THSD7A: variants seen among roughly 807,000 people sequenced by gnomAD.
THSD7A encodes thrombospondin type 1 domain containing 7A.
Under a neutral mutation model 231.3 loss-of-function variants are expected in THSD7A, and 96 were observed. That is an observed-to-expected ratio of 0.41 (90% CI 0.35 to 0.49). The LOEUF (loss-of-function observed/expected upper bound fraction) is 0.49, where lower values mean the gene tolerates loss of function less well. THSD7A is among the 20% of genes least tolerant of loss of function. THSD7A has a pLI of 0.05. For missense variants in THSD7A, 2,290 were observed against 2,070.2 expected (o/e 1.11, Z -2.06); for synonymous variants, 940 against 743.3 (o/e 1.26, Z -4.30).
At chr7:11,823,352 A>G (rs535321738) in intron 1 of THSD7A, among the ~76,000 whole-genome samples, 4 of 152,100 alleles carry the variant, frequency 2.6e-5, no homozygotes, top group East Asian at 1.9e-4. Flanking sequence ...TTTGGTTACT[A>G]TAGCCTCATA....
intron 6 of THSD7A, among the ~76,000 whole-genome samples, chr7:11,493,766 T>C (rs202140197): frequency 6.6e-6 from 1 of 152,072 alleles, no homozygotes; most frequent in East Asian, 1.9e-4. Context: ...TAAAGAGCCA[T>C]AAGTAAACCA....
intron 1 of THSD7A, among the ~76,000 whole-genome samples, chr7:11,740,251 G>A (rs373256894): frequency 6.6e-6 from 1 of 152,084 alleles, no homozygotes; most frequent in South Asian, 2.1e-4. Context: ...AAGCCATGAT[G>A]GCCGGGACAA....
chr7:11,741,194 C>T (rs1174163549), intron 1 of THSD7A, among the ~76,000 whole-genome samples: 3 of 151,904 alleles, frequency 2.0e-5, no homozygotes, highest in East Asian at 3.9e-4. Flanking sequence ...CATGTCATAG[C>T]TTTTCCTCCC....
intron 1 of THSD7A, among the ~76,000 whole-genome samples, chr7:11,703,243 C>A (rs1780661547): frequency 1.3e-5 from 2 of 151,102 alleles, no homozygotes; most frequent in African/African-American, 4.8e-5. Context: ...TTTTTTTTCC[C>A]AAACTGTCTT....
At chr7:11,502,178 C>G (rs556819481) in intron 6 of THSD7A, among the ~76,000 whole-genome samples, 6 of 152,110 alleles carry the variant, frequency 3.9e-5, no homozygotes, top group Non-Finnish European at 8.8e-5. Flanking sequence ...CCAGGAGGAC[C>G]TAAAAGATTC....
intron 1 of THSD7A, among the ~76,000 whole-genome samples, chr7:11,813,520 T>C (rs1369613088): frequency 6.6e-6 from 1 of 152,048 alleles, no homozygotes; most frequent in Non-Finnish European, 1.5e-5. Flanking sequence ...CAGACCATCC[T>C]GGCCAACATG....
In THSD7A at chr7:11,587,397, C is replaced by T. The variant is rs184189251; in HGVS notation, c.1453+3063G>A. 8.5e-5 allele frequency among the ~76,000 whole-genome samples: 13 copies of T among 152,270 alleles called. No homozygotes were observed. In the East Asian group the frequency reaches 1.4e-3, roughly 16 times the overall value. ...CGGAAATGATATAGTAGAAATTCTG[C>T]TCACCTGAATATTGTGGGGGAATAG... On this transcript the variant is annotated intron_variant, in intron 4 of 27. Coordinates refer to ENST00000423059, the MANE Select transcript of THSD7A (RefSeq NM_015204.3).
At chr7:11,435,165 C>A (rs1344030325) in intron 13 of THSD7A, among the ~76,000 whole-genome samples, 13 of 152,038 alleles carry the variant, frequency 8.6e-5, no homozygotes, top group Non-Finnish European at 8.8e-5. Flanking sequence ...AATGACCACG[C>A]TTTTTCAGAT....
chr7:11,638,931 A>G (rs1781971428), intron 1 of THSD7A, among the ~76,000 whole-genome samples: 1 of 152,178 alleles, frequency 6.6e-6, no homozygotes, highest in African/African-American at 2.4e-5. Context: ...CACAGAACCT[A>G]GGAAACTTCT....
chr7:11,534,610 G>C (rs540426295), intron 6 of THSD7A, among the ~76,000 whole-genome samples: 22 of 152,224 alleles, frequency 1.4e-4, no homozygotes, highest in African/African-American at 5.3e-4. Context: ...CAGCCACTAA[G>C]TTTTGAGGTG....
intron 2 of THSD7A, among the ~76,000 whole-genome samples, chr7:11,608,790 G>A (rs1780822114): frequency 2.0e-5 from 3 of 151,870 alleles, no homozygotes; most frequent in African/African-American, 7.3e-5. Context: ...AATAACTACA[G>A]AAGTGATTCC....
At chr7:11,536,296 C>A (rs573544966) in intron 6 of THSD7A, among the ~76,000 whole-genome samples, 85 of 152,158 alleles carry the variant, frequency 5.6e-4, no homozygotes, top group Non-Finnish European at 1.1e-3. Context: ...TTCCTTACCA[C>A]ATAATTGGAT....
chr7:11,538,778 G>T (rs1179907488), intron 6 of THSD7A, among the ~76,000 whole-genome samples: 3 of 152,068 alleles, frequency 2.0e-5, no homozygotes, highest in Non-Finnish European at 4.4e-5. Context: ...TGACAGAGAA[G>T]CTATGCAAAA....
intron 13 of THSD7A, among the ~76,000 whole-genome samples, chr7:11,440,318 G>A (rs1468380413): frequency 6.6e-6 from 1 of 152,052 alleles, no homozygotes; most frequent in East Asian, 1.9e-4. Flanking sequence ...GGAGATGAAT[G>A]TTGTTTGCCT....
intron 7 of THSD7A, among the ~76,000 whole-genome samples, chr7:11,479,371 C>G (rs188048324): frequency 5.7e-4 from 87 of 152,272 alleles, no homozygotes; most frequent in African/African-American, 2.0e-3. Flanking sequence ...TATGTTATTT[C>G]CCTAGAAAAT....
At chr7:11,798,968 G>A (rs1784204521) in intron 1 of THSD7A, among the ~76,000 whole-genome samples, 1 of 151,714 alleles carries the variant, frequency 6.6e-6, no homozygotes, top group Admixed American at 6.6e-5. Context: ...CTGTCACCAG[G>A]CTGGAGTTCA....
intron 2 of THSD7A, among the ~76,000 whole-genome samples, chr7:11,624,176 T>G (rs1447429129): frequency 6.6e-6 from 1 of 152,124 alleles, no homozygotes; most frequent in African/African-American, 2.4e-5. Flanking sequence ...GTGGTCTCAA[T>G]GCCTCCATTG....
intron 6 of THSD7A, among the ~76,000 whole-genome samples, chr7:11,489,511 G>C (rs57884754): frequency 0.017 from 2,568 of 152,166 alleles, 87 homozygotes; most frequent in African/African-American, 0.058. Context: ...TAGGAACTGG[G>C]TCTTTGAAAT....
intron 7 of THSD7A, 38 bp downstream of exon 7, chr7:11,481,750 G>C (rs1786432366): frequency 6.5e-7 from 1 of 1,530,248 alleles, no homozygotes; most frequent in Non-Finnish European, 8.8e-7. Context: ...ACTAACTTTT[G>C]AAACGAACCT....
Sources: gnomAD v4.1 joint callset for allele counts (sites outside exome capture counted in the v4.1 genomes callset) on GRCh38, gnomAD v4.1.1 for gene constraint, MANE v1.5 for transcripts, NCBI Gene and HGNC (gene_info 2026-07-23, HGNC 2026-07-21) for gene names.